The following PFKFB2 variants were observed in gnomAD, a reference collection of about 807,000 sequenced individuals.
PFKFB2 encodes the protein 6-phosphofructo-2-kinase/fructose-2,6-bisphosphatase 2.
In PFKFB2, 53 loss-of-function variants were observed where a neutral mutation model predicts 68.0. The ratio of observed to expected loss-of-function variants is 0.78; its 90% CI spans 0.63 to 0.98. The LOEUF is 0.98. Ranked by LOEUF, PFKFB2 falls within the 50% of genes least tolerant of loss-of-function variation. PFKFB2 has a pLI of 0.00. For missense variants in PFKFB2, 451 were observed against 642.0 expected (o/e 0.70, Z 3.22); for synonymous variants, 222 against 227.6 (o/e 0.98, Z 0.22).
chr1:207,051,059 T>C (rs1472113297), upstream of PFKFB2: 24 of 1,472,890 alleles, frequency 1.6e-5, no homozygotes, highest in Non-Finnish European at 2.2e-5. Context: ...GTTGCAGTTA[T>C]CGCGACGCTT....
chr1:207,056,907 A>G (rs146594783), intron 2 of PFKFB2, among the ~76,000 whole-genome samples: 1,583 of 152,292 alleles, frequency 0.01, 17 homozygotes, highest in African/African-American at 0.037. Context: ...TAGTGTTCAC[A>G]TCAGCGGCTG....
rs935381549 is a variant in PFKFB2, at chr1:207,073,122, C to G, written c.*751C>G. The G allele has an allele frequency of 1.9e-5, 19 of 985,506 alleles. No individual in the cohort carries two copies. Among genetic ancestry groups the G allele is most frequent in the Non-Finnish European group, 2.3e-5 (19 of 829,968 alleles). 61.0% of individuals were successfully genotyped at this position (985,506 alleles called of 1,614,324 possible). A position where few individuals can be genotyped will look rare whatever the true frequency, so the allele number is the denominator to read the frequency against. Reference sequence around the variant, plus strand: ...AGTAGACATAGGGTGAGAGTTCTTGCCTCCTTTCATGAGAAACAGTTCTAA... The same window carrying G: ...AGTAGACATAGGGTGAGAGTTCTTGGCTCCTTTCATGAGAAACAGTTCTAA... On this transcript the variant is annotated 3_prime_UTR_variant, in exon 15 of 15. Transcript: ENST00000367080.
chr1:207,070,164 A>G lies in PFKFB2; in HGVS notation c.1093-116A>G. 1 of 1,243,552 alleles carries G rather than the reference A, an allele frequency of 8.0e-7. No individual in the cohort carries two copies. The highest frequency in any genetic ancestry group is 1.1e-6 in the Non-Finnish European group (1 of 887,192). 77.0% of individuals were successfully genotyped at this position (1,243,552 alleles called of 1,614,324 possible). ...GGTGATGTAAACTCACTGAGCCTCC[A>G]GGAGGAAAGCCAGCTGAGGAAGAAG... On this transcript the variant is annotated intron_variant, in intron 11 of 14. Coordinates refer to ENST00000367080, the MANE Select transcript of PFKFB2 (RefSeq NM_006212.2). The surrounding 1 kb of genome is among the most constrained non-coding windows in gnomAD (Gnocchi z 4.2).
chr1:207,052,322 G>A, upstream of PFKFB2: 2 of 1,184,430 alleles, frequency 1.7e-6, no homozygotes, highest in Non-Finnish European at 2.5e-6. Context: ...GGATGATACA[G>A]CCTGGGTTAG....
At chr1:207,068,750 C>CTTTCTT (rs796480240) in intron 10 of PFKFB2, among the ~76,000 whole-genome samples, 62 of 145,396 alleles carry the variant, frequency 4.3e-4, no homozygotes, top group African/African-American at 1.5e-3. Context: ...ACATTTCTTT[C>CTTTCTT]TTTTTTTTTT....
chr1:207,048,185 A>G (rs1682643440), intron 2 of PFKFB2: 1 of 152,664 alleles, frequency 6.6e-6, no homozygotes, highest in Non-Finnish European at 1.5e-5. Flanking sequence ...AGACCAATAC[A>G]TGAATTGCAT....
At chr1:207,045,310 G>A (rs937560625) in intron 2 of PFKFB2, 1 of 152,354 alleles carries the variant, frequency 6.6e-6, no homozygotes, top group Admixed American at 6.6e-5. Context: ...TTTAATGCTA[G>A]GGCACAGACC....
chr1:207,045,400 T>C (rs1682575036), intron 2 of PFKFB2: 1 of 152,518 alleles, frequency 6.6e-6, no homozygotes. Context: ...CACTCTACAC[T>C]GATGGCAATC....
In PFKFB2 at chr1:207,063,795, G is replaced by A. The variant is rs1683192074; in HGVS notation, c.473G>A (p.Cys158Tyr). The A allele has an allele frequency of 1.2e-6, 2 of 1,613,852 alleles. No individual in the cohort carries two copies. The highest frequency in any genetic ancestry group is 1.7e-5 in the Admixed American group (1 of 59,994). Reference protein sequence around the residue: ...SFKVFFVESVCDDPDVIAANI... With the variant: ...SFKVFFVESVYDDPDVIAANI... Reference sequence around the variant, plus strand: ...CAGGTATTCTTTGTGGAATCCGTCTGTGATGATCCTGATGTCATTGCTGCC... The same window carrying A: ...CAGGTATTCTTTGTGGAATCCGTCTATGATGATCCTGATGTCATTGCTGCC... The change falls in exon 7 of 15, where the codon TGT becomes TAT. Residue 158 changes from cysteine to tyrosine, a missense_variant. Coordinates refer to ENST00000367080, the MANE Select transcript of PFKFB2 (RefSeq NM_006212.2). The surrounding 1 kb of genome is among the most constrained non-coding windows in gnomAD (Gnocchi z 4.1).
intron 8 of PFKFB2, among the ~76,000 whole-genome samples, chr1:207,065,892 G>C (rs1354772179): frequency 6.6e-6 from 1 of 152,180 alleles, no homozygotes; most frequent in Non-Finnish European, 1.5e-5. Flanking sequence ...AGTTATCCCT[G>C]GTTGAGAATC....
At chr1:207,038,754 CAT>C (rs1200881986) in intron 1 of PFKFB2, among the ~76,000 whole-genome samples, 1 of 152,180 alleles carries the variant, frequency 6.6e-6, no homozygotes, top group Non-Finnish European at 1.5e-5. Flanking sequence ...ACATCCCACA[CAT>C]AAGTGCAAAA....
chr1:207,035,105 T>G, intron 1 of PFKFB2: 2 of 947,298 alleles, frequency 2.1e-6, no homozygotes, highest in Middle Eastern at 5.4e-4. Context: ...GCTCTTAGTA[T>G]GTAAATGCCT....
At chr1:207,049,024 A>G, upstream of PFKFB2, 1 of 1,612,860 alleles carries the variant, frequency 6.2e-7, no homozygotes, top group Non-Finnish European at 8.5e-7. Flanking sequence ...CATAGGTCAC[A>G]CTTCTCCAAA....
chr1:207,072,078 A>AGGGACCCTGTGT, intron 14 of PFKFB2, 126 bp from the exon 15 acceptor site: 1 of 1,494,514 alleles, frequency 6.7e-7, no homozygotes. Flanking sequence ...ATGCCCTGTG[A>AGGGACCCTGTGT]GGGACCCTGT....
chr1:207,068,904 G>A (rs532740833), intron 10 of PFKFB2, among the ~76,000 whole-genome samples: 38 of 151,934 alleles, frequency 2.5e-4, no homozygotes, highest in African/African-American at 8.4e-4. Flanking sequence ...CTGCCACCAC[G>A]CCTGGCTAAT....
chr1:207,045,767 A>G lies in PFKFB2; in HGVS notation c.-18+3555A>G, dbSNP rs139005215. On this transcript the variant is annotated intron_variant, in intron 2 of 5. Transcript: ENST00000545806. ...AGAAGCAAGTTAGGCATGGGCATTT[A>G]GGGACACAGACAAATTAGATAGATA... is the stretch of plus-strand genomic sequence containing the variant. 590 of 152,224 alleles carry G rather than the reference A, an allele frequency of 3.9e-3. 5 individuals are homozygous for G. The highest frequency in any genetic ancestry group is 0.014 in the African/African-American group (570 of 41,568). The allele number at this position is 152,224 out of a possible 1,614,324, so 9.4% of individuals were successfully genotyped here.
chr1:207,067,460 T>C, intron 8 of PFKFB2, 39 bp from the exon 9 acceptor site: 1 of 1,444,518 alleles, frequency 6.9e-7, no homozygotes, highest in Non-Finnish European at 9.7e-7. Context: ...TCTCAGATCT[T>C]CTTACCTAGG....
chr1:207,049,933 T>C (rs2102327426), upstream of PFKFB2, among the ~76,000 whole-genome samples: 2 of 152,330 alleles, frequency 1.3e-5, 1 homozygote, highest in South Asian at 4.1e-4. Flanking sequence ...ACACTTGAGG[T>C]TGCATCCCAA....
exon 2 of PFKFB2, chr1:207,042,197 TCAC>T (rs1682489292): frequency 1.3e-5 from 2 of 152,172 alleles, no homozygotes; most frequent in Non-Finnish European, 2.9e-5. Context: ...AACCTGTTTT[TCAC>T]CACATTTTAC....
Sources: allele counts gnomAD v4.1 joint callset (sites outside exome capture counted in the v4.1 genomes callset), GRCh38; gene constraint gnomAD v4.1.1; non-coding constraint Gnocchi (gnomAD v3.1); transcripts MANE v1.5; gene names NCBI Gene and HGNC (gene_info 2026-07-23, HGNC 2026-07-21).